COL5A3: variants seen among roughly 807,000 people sequenced by gnomAD.
The protein encoded by COL5A3 is collagen type V alpha 3 chain.
A neutral mutation model predicts 250.0 loss-of-function variants in COL5A3; 172 were observed. The observed-to-expected ratio is 0.69, with a 90% CI of 0.61 to 0.78. The LOEUF is 0.78. COL5A3 is among the 30% of genes least tolerant of loss of function. The probability of loss-of-function intolerance (pLI) is 0.00; values close to 1 mark genes in which losing one functional copy is unlikely to be tolerated. For synonymous variants in COL5A3, 937 were observed against 900.4 expected, an observed-to-expected ratio of 1.04 and a Z score of -0.73; for missense variants, 2,340 against 2,334.4, an observed-to-expected ratio of 1.00 and a Z score of -0.05.
Position 9,976,627 on chromosome 19 carries a change from A to G in COL5A3, c.3289-16T>C, listed in dbSNP as rs1312528331. On this transcript the variant is annotated splice_polypyrimidine_tract_variant and intron_variant, in intron 44 of 66. Transcript: ENST00000264828. ...CAGGTGGGCCCTGGGAGAACAGGAA[A>G]CAGAATCAAAAATTCCCTCAGGTTT... 8 of 1,571,100 alleles carry G rather than the reference A, an allele frequency of 5.1e-6. No homozygotes were observed. The Admixed American group carries it at 1.1e-4, about 22-fold the overall frequency.
chr19:9,982,009 A>G (rs1044421589), intron 32 of COL5A3, 56 bp downstream of exon 32: 57 of 1,355,958 alleles, frequency 4.2e-5, no homozygotes, highest in Non-Finnish European at 5.9e-5. Context: ...ACAACCACAC[A>G]TGCTGTTCCC....
At position 9,967,920 on chromosome 19, in the gene COL5A3, C is replaced by A. The variant is rs371587351; in HGVS notation, c.4388G>T (p.Gly1463Val). Residue 1463 changes from glycine (G) to valine (V), a missense_variant, in exon 61 of 67, where the codon GGC (glycine) becomes GTC (valine). Gly to Val is a moderately radical substitution (Grantham distance 109, BLOSUM62 -3). Around this residue, in one of 3 missense-constraint regions of COL5A3, gnomAD observed 1,179 missense variants for 1,162.6 expected, o/e 1.01. Transcript: ENST00000264828. ...TGTACTCACCGGAGACCCTTTTGAG[C>A]CTTTCTGTCCTAGAGGGCCCTGTAG... The part of the protein sequence containing the change: ...PGVAGPLGQK[G>V]SKGSPGSMGP... 2 of 1,613,184 alleles carry A rather than the reference C, an allele frequency of 1.2e-6. No homozygotes were observed. The highest frequency in any genetic ancestry group is 1.7e-6 in the Non-Finnish European group (2 of 1,179,696).
chr19:10,001,979 G>T, intron 6 of COL5A3, 98 bp from the exon 7 acceptor site: 1 of 804,164 alleles, frequency 1.2e-6, no homozygotes, highest in Non-Finnish European at 2.0e-6. Flanking sequence ...CCAGTCCGGG[G>T]ACAGGGACAG....
At chr19:9,967,523 A>T in intron 61 of COL5A3, 123 bp from the exon 62 acceptor site, 1 of 713,422 alleles carries the variant, frequency 1.4e-6, no homozygotes, top group Non-Finnish European at 2.3e-6. Flanking sequence ...ACACACTCAC[A>T]TACACACTCA....
In COL5A3 at chr19:9,966,765, G is replaced by A; in HGVS notation, c.4459-19C>T. The A allele has an allele frequency of 6.6e-7, 1 of 1,523,140 alleles. No individual in the cohort carries two copies. Among genetic ancestry groups the A allele is most frequent in the South Asian group, 1.2e-5 (1 of 83,474 alleles). 94.4% of individuals were successfully genotyped at this position (1,523,140 alleles called of 1,614,324 possible). ...GGGCACCCTGGGCGTAGGGGATGGG[G>A]ACGGAGAAGAGAGGGGAGATGGGGG... On this transcript the variant is annotated intron_variant, in intron 62 of 66. Coordinates refer to ENST00000264828, the MANE Select transcript of COL5A3 (RefSeq NM_015719.4).
chr19:9,999,297 T>A (rs1392059075), intron 8 of COL5A3, among the ~76,000 whole-genome samples: 1 of 151,444 alleles, frequency 6.6e-6, no homozygotes, highest in Non-Finnish European at 1.5e-5. Context: ...ACTCAGGTGA[T>A]CCTCCCTCCT....
chr19:9,990,209 C>T (rs1258159520), intron 24 of COL5A3, among the ~76,000 whole-genome samples: 1 of 151,692 alleles, frequency 6.6e-6, no homozygotes, highest in Non-Finnish European at 1.5e-5. Context: ...GCCTGGCCAA[C>T]ATAGTGAAAC....
At position 9,977,694 on chromosome 19, in the gene COL5A3, G is replaced by T. The variant is rs2086943523; in HGVS notation, c.3026C>A (p.Pro1009His). The T allele has an allele frequency of 6.3e-7, 1 of 1,586,840 alleles. No homozygotes were observed. Among genetic ancestry groups the T allele is most frequent in the East Asian group, 2.3e-5 (1 of 44,348 alleles). ...TGGGCCCAAAGGACCGCGCTCACCA[G>T]GGGAGCCCTGAGAACAGGGGTGATG... ...PPGPVGANGSPGERGPLGPAG... is the reference protein window; with the variant it reads ...PPGPVGANGSHGERGPLGPAG... The change falls in exon 42 of 67, where the codon CCT becomes CAT. Residue 1009 changes from proline (P) to histidine (H), a missense_variant. Coordinates refer to ENST00000264828, the MANE Select transcript of COL5A3 (RefSeq NM_015719.4).
chr19:9,993,292 C>T, intron 19 of COL5A3, 88 bp downstream of exon 19: 3 of 1,461,396 alleles, frequency 2.1e-6, no homozygotes, highest in Non-Finnish European at 2.9e-6. Context: ...AAGCTGGCCA[C>T]TGAGACCTCC....
chr19:9,965,267 G>T (rs1211736572), intron 64 of COL5A3, among the ~76,000 whole-genome samples: 3 of 148,018 alleles, frequency 2.0e-5, no homozygotes, highest in Non-Finnish European at 4.4e-5. Context: ...CCATCCTCCT[G>T]CCTCAGCCTC....
At chr19:9,989,558 T>G (rs1195578656) in intron 24 of COL5A3, 36 bp from the exon 25 acceptor site, 1 of 1,574,920 alleles carries the variant, frequency 6.3e-7, no homozygotes, top group African/African-American at 1.4e-5. Context: ...GAGACAGAGG[T>G]GCTCAGAGCC....
rs1362694008 is a variant in COL5A3, at chr19:9,976,690, T to C, written c.3289-79A>G. On this transcript the variant is annotated intron_variant, in intron 44 of 66. Coordinates refer to ENST00000264828, the MANE Select transcript of COL5A3 (RefSeq NM_015719.4). ...GGCACTGGAGCTATCAATCACTGCCTCCCACACCCCCTTTATGAGAACAAC... is the reference window on the plus strand; with the variant it reads ...GGCACTGGAGCTATCAATCACTGCCCCCCACACCCCCTTTATGAGAACAAC... The C allele has an allele frequency of 3.8e-6, 4 of 1,059,646 alleles. No individual in the cohort carries two copies. The African/African-American group carries it at 6.5e-5, about 17-fold the overall frequency. The allele number at this position is 1,059,646 out of a possible 1,614,324, so 65.6% of individuals were successfully genotyped here.
In COL5A3 at chr19:10,004,151, G is replaced by A. The variant is rs745850226; in HGVS notation, c.595-6C>T. 1.2e-6 allele frequency: 2 copies of A among 1,610,186 alleles called. No individual in the cohort carries two copies. The highest frequency in any genetic ancestry group is 1.7e-6 in the Non-Finnish European group (2 of 1,176,564). ...AGCAGCTCCTGAATGTCTCCCTGGG[G>A]GTTGGGGGTGTAGGAGTCAAGGAGG... On this transcript the variant is annotated splice_polypyrimidine_tract_variant and splice_region_variant and intron_variant, in intron 4 of 66. Transcript: ENST00000264828.
intron 4 of COL5A3, among the ~76,000 whole-genome samples, chr19:10,005,002 A>G (rs916556958): frequency 2.6e-5 from 4 of 151,504 alleles, no homozygotes; most frequent in Non-Finnish European, 5.9e-5. Flanking sequence ...GCAACGGCAC[A>G]CACAAGCATG....
rs149416121 is a variant in COL5A3 at position 9,996,111 on chromosome 19, G to C, written c.1488C>G (p.Pro496=). Residue 496 remains proline, a synonymous_variant, in exon 15 of 67, where the codon CCC becomes CCG. Transcript: ENST00000264828. The part of the protein sequence containing the change: ...LTGRPGPVGL[P]GHPGLKGEEG... ...CCTCTCCTTTCAGACCTGGATGCCC[G>C]GGGAGACCCTTGGGGGAGGAGAGAT... 48 of 1,580,048 alleles carry C rather than the reference G, an allele frequency of 3.0e-5. No individual in the cohort carries two copies. In the African/African-American group the frequency reaches 4.1e-4, roughly 13 times the overall value.
chr19:9,991,005 G>A (rs1486363573), intron 24 of COL5A3, among the ~76,000 whole-genome samples: 2 of 152,090 alleles, frequency 1.3e-5, no homozygotes, highest in Non-Finnish European at 2.9e-5. Flanking sequence ...CAGATGAACT[G>A]CATGAGCCCA....
intron 4 of COL5A3, 87 bp downstream of exon 4, chr19:10,005,468 ATCT>A: frequency 7.5e-7 from 1 of 1,338,866 alleles, no homozygotes; most frequent in Non-Finnish European, 1.1e-6. Flanking sequence ...GAAGCTTGAC[ATCT>A]TCCTTCTTTA....
In COL5A3 at chr19:9,968,569, G is replaced by A. The variant is rs1213715734; in HGVS notation, c.4207-77C>T. 2 of 1,575,830 alleles carry A rather than the reference G, an allele frequency of 1.3e-6. No homozygotes were observed. Among genetic ancestry groups the A allele is most frequent in the Non-Finnish European group, 1.7e-6 (2 of 1,153,406 alleles). On this transcript the variant is annotated intron_variant, in intron 58 of 66. Transcript: ENST00000264828. This position sits in a 1 kb window ranked among gnomAD's most constrained non-coding sequence, Gnocchi z 4.1. ...GGTTTTTCTCCTAGAGCCTTAGGGT[G>A]ATGAGTTTGGGAGCAGAGGATGCAC...
At chr19:9,991,424 G>A (rs1004467525) in intron 24 of COL5A3, among the ~76,000 whole-genome samples, 186 bp downstream of exon 24, 1 of 152,144 alleles carries the variant, frequency 6.6e-6, no homozygotes, top group African/African-American at 2.4e-5. Flanking sequence ...GCCTTGGTGG[G>A]TTTCTGTTTC....
Sources: gnomAD v4.1 joint callset for allele counts (sites outside exome capture counted in the v4.1 genomes callset) on GRCh38, gnomAD v4.1.1 for gene constraint, gnomAD v4.1.1 regional missense constraint, Gnocchi (gnomAD v3.1) non-coding constraint, MANE v1.5 for transcripts, NCBI Gene and HGNC (gene_info 2026-07-23, HGNC 2026-07-21) for gene names.